NELL1: variants seen among roughly 807,000 people sequenced by gnomAD.
NELL1 encodes the protein neural EGFL like 1.
A neutral mutation model predicts 107.4 loss-of-function variants in NELL1; 76 were observed. That is an observed-to-expected ratio of 0.71 (90% CI 0.59 to 0.86). NELL1 has a LOEUF of 0.86. Ranked by LOEUF, NELL1 falls within the 40% of genes least tolerant of loss-of-function variation. The pLI is 0.00. For synonymous variants in NELL1, 353 were observed against 341.2 expected (o/e 1.03, Z -0.38); for missense variants, 1,024 against 1,005.5 (o/e 1.02, Z -0.25).
intron 12 of NELL1, among the ~76,000 whole-genome samples, chr11:21,076,581 T>C (rs1443489047): frequency 6.6e-6 from 1 of 152,200 alleles, no homozygotes; most frequent in African/African-American, 2.4e-5. Flanking sequence ...AGCGGAGCTG[T>C]ATTTGATGAG....
intron 14 of NELL1, among the ~76,000 whole-genome samples, chr11:21,323,878 G>A (rs139313357): frequency 4.1e-4 from 63 of 152,188 alleles, no homozygotes; most frequent in Non-Finnish European, 7.7e-4. Flanking sequence ...AATCAGGGTT[G>A]AGCAAAAATA....
intron 15 of NELL1, among the ~76,000 whole-genome samples, chr11:21,485,815 C>T (rs758595969): frequency 5.3e-5 from 8 of 152,070 alleles, no homozygotes; most frequent in Non-Finnish European, 1.0e-4. Flanking sequence ...GTCCCACCCC[C>T]ACAATACTTA....
At chr11:21,539,552 C>T (rs766183779) in intron 16 of NELL1, among the ~76,000 whole-genome samples, 3 of 151,592 alleles carry the variant, frequency 2.0e-5, no homozygotes, top group Non-Finnish European at 2.9e-5. Flanking sequence ...ACTGGGAAGA[C>T]GATCTTCCCC....
intron 12 of NELL1, among the ~76,000 whole-genome samples, chr11:20,980,642 T>C (rs1851731237): frequency 3.9e-5 from 6 of 152,220 alleles, no homozygotes; most frequent in Admixed American, 3.9e-4. Flanking sequence ...TTTTTTAAGA[T>C]AGTAACTTGA....
chr11:20,783,433 C>G (rs1856890257), intron 2 of NELL1, among the ~76,000 whole-genome samples: 1 of 152,180 alleles, frequency 6.6e-6, no homozygotes. Flanking sequence ...GACAGCATTT[C>G]CGGGATTTGC....
chr11:20,907,322 A>G (rs990700949), intron 5 of NELL1, among the ~76,000 whole-genome samples: 5 of 151,948 alleles, frequency 3.3e-5, no homozygotes, highest in Admixed American at 2.0e-4. Flanking sequence ...TTTTTAAATT[A>G]TGTATCTTAT....
At chr11:21,101,942 T>G (rs1308107806) in intron 12 of NELL1, among the ~76,000 whole-genome samples, 2 of 152,170 alleles carry the variant, frequency 1.3e-5, no homozygotes, top group Admixed American at 1.3e-4. Flanking sequence ...GATCTTGGCC[T>G]CCCGAGTTTG....
intron 12 of NELL1, among the ~76,000 whole-genome samples, chr11:20,976,345 G>T (rs1022263051): frequency 6.6e-6 from 1 of 151,962 alleles, no homozygotes; most frequent in African/African-American, 2.4e-5. Flanking sequence ...AACACAATCA[G>T]AATGTAACTG....
chr11:21,501,688 ATTAC>A (rs1855146751), intron 15 of NELL1, among the ~76,000 whole-genome samples: 1 of 152,202 alleles, frequency 6.6e-6, no homozygotes, highest in African/African-American at 2.4e-5. Flanking sequence ...TTTGCAGCTT[ATTAC>A]TTTGCAGCTG....
At chr11:21,010,880 G>A (rs1441206079) in intron 12 of NELL1, among the ~76,000 whole-genome samples, 1 of 152,024 alleles carries the variant, frequency 6.6e-6, no homozygotes, top group Non-Finnish European at 1.5e-5. Flanking sequence ...TCTACCTTGG[G>A]CTGCCCAGCC....
intron 14 of NELL1, among the ~76,000 whole-genome samples, chr11:21,234,991 T>C (rs897979221): frequency 1.3e-5 from 2 of 152,146 alleles, no homozygotes; most frequent in Admixed American, 6.6e-5. Context: ...TATAAACTAC[T>C]GGGCTGTGAA....
intron 2 of NELL1, among the ~76,000 whole-genome samples, chr11:20,708,992 G>T (rs972947937): frequency 6.6e-6 from 1 of 152,124 alleles, no homozygotes; most frequent in African/African-American, 2.4e-5. Context: ...CACAATAGGG[G>T]TCATGCTCCT....
rs969535516 is a variant in NELL1 at position 21,107,233 on chromosome 11, G to A, written c.1301-6356G>A. On this transcript the variant is annotated intron_variant, in intron 12 of 19. Transcript: ENST00000357134. ...GGTTTGGACAAATATATAATAACCT[G>A]AATCCACCATTACAGTATCATAAAG... 3.5e-4 allele frequency among the ~76,000 whole-genome samples: 53 copies of A among 152,002 alleles called. 1 individual carries two copies. The highest frequency in any genetic ancestry group is 1.2e-3 in the African/African-American group (50 of 41,378).
chr11:20,838,289 G>T (rs2134046032), intron 3 of NELL1, among the ~76,000 whole-genome samples: 1 of 150,090 alleles, frequency 6.7e-6, no homozygotes, highest in South Asian at 2.2e-4. Flanking sequence ...AGTCTGAACT[G>T]GCACAGCTAT....
intron 15 of NELL1, among the ~76,000 whole-genome samples, chr11:21,476,457 T>C (rs1293295388): frequency 1.3e-5 from 2 of 152,192 alleles, no homozygotes; most frequent in Non-Finnish European, 2.9e-5. Context: ...ATGTCACTTC[T>C]CTAAAAGATA....
chr11:20,771,570 C>G (rs1430780267), intron 2 of NELL1, among the ~76,000 whole-genome samples: 4 of 152,058 alleles, frequency 2.6e-5, no homozygotes, highest in Non-Finnish European at 4.4e-5. Context: ...GCCTAGATTC[C>G]TGATAGAAAA....
chr11:21,197,592 T>C (rs1857183080), intron 13 of NELL1, among the ~76,000 whole-genome samples: 1 of 152,142 alleles, frequency 6.6e-6, no homozygotes, highest in Admixed American at 6.6e-5. Flanking sequence ...TGAGTTGATG[T>C]TGATGAAAAT....
chr11:20,756,329 A>G (rs1444070213), intron 2 of NELL1, among the ~76,000 whole-genome samples: 2 of 150,982 alleles, frequency 1.3e-5, no homozygotes, highest in African/African-American at 4.9e-5. Flanking sequence ...TAGGTCAGAT[A>G]ATTCCTTTTT....
intron 16 of NELL1, among the ~76,000 whole-genome samples, chr11:21,541,348 G>A (rs1856288509): frequency 6.6e-6 from 1 of 152,068 alleles, no homozygotes; most frequent in Admixed American, 6.6e-5. Flanking sequence ...ACTTCTCAGA[G>A]TACTGCTGAA....
Sources: gnomAD v4.1 joint callset for allele counts (sites outside exome capture counted in the v4.1 genomes callset) on GRCh38, gnomAD v4.1.1 for gene constraint, MANE v1.5 for transcripts, NCBI Gene and HGNC (gene_info 2026-07-23, HGNC 2026-07-21) for gene names.